Variants in ZMYM1 observed in about 807,000 individuals in gnomAD.
The protein encoded by ZMYM1 is zinc finger MYM-type containing 1, also known as zinc finger MYM-type protein 1.
Under a neutral mutation model 60.0 loss-of-function variants are expected in ZMYM1, and 39 were observed. That is an observed-to-expected ratio of 0.65 (90% CI 0.50 to 0.85). The LOEUF (loss-of-function observed/expected upper bound fraction) is 0.85, where lower values mean the gene tolerates loss of function less well. ZMYM1 is among the 40% of genes least tolerant of loss of function. ZMYM1 has a pLI of 0.00. For synonymous variants in ZMYM1, 413 were observed against 454.0 expected, an observed-to-expected ratio of 0.91 and a Z score of 1.15; for missense variants, 1,171 against 1,309.5, an observed-to-expected ratio of 0.89 and a Z score of 1.63.
At chr1:35,070,664 G>A (rs1642050485) in intron 1 of ZMYM1, among the ~76,000 whole-genome samples, 2 of 152,056 alleles carry the variant, frequency 1.3e-5, no homozygotes, top group South Asian at 4.1e-4. Flanking sequence ...GGTGAAAGTG[G>A]GCATCCTTGT....
chr1:35,118,545 C>T (rs1158009202), downstream of ZMYM1, among the ~76,000 whole-genome samples: 1 of 151,790 alleles, frequency 6.6e-6, no homozygotes, highest in Non-Finnish European at 1.5e-5. Flanking sequence ...AACCCCGTCT[C>T]TACTAAAAAA....
At chr1:35,066,256 G>A (rs550810397) in intron 1 of ZMYM1, among the ~76,000 whole-genome samples, 2 of 152,200 alleles carry the variant, frequency 1.3e-5, no homozygotes, top group Non-Finnish European at 2.9e-5. Context: ...GGAGTGCAGT[G>A]GCCTGATCTC....
downstream of ZMYM1, among the ~76,000 whole-genome samples, chr1:35,116,987 G>C (rs1251424699): frequency 1.3e-5 from 2 of 150,312 alleles, no homozygotes; most frequent in African/African-American, 4.9e-5. Context: ...GGGACTACAG[G>C]CGCCCGCCAC....
Position 35,104,759 on chromosome 1 carries a change from C to T in ZMYM1, c.797C>T (p.Ala266Val). The T allele has an allele frequency of 1.9e-6, 3 of 1,611,094 alleles. No homozygotes were observed. Among genetic ancestry groups the T allele is most frequent in the Non-Finnish European group, 2.5e-6 (3 of 1,177,428 alleles). ...TTTAATAGTTCAAAGAGTATTACAG[C>T]ATATAAGCAGGTATGAATAAAGACC... ...HYFNSSKSIT[A>V]YKQKPAKPLI... Residue 266 changes from alanine (A) to valine (V), a missense_variant, in exon 6 of 10, where the codon GCA (alanine) becomes GTA (valine). Coordinates refer to ENST00000359858, the MANE Select transcript of ZMYM1 (RefSeq NM_024772.5).
At chr1:35,076,606 G>C (rs1040741716), upstream of ZMYM1, among the ~76,000 whole-genome samples, 2 of 149,960 alleles carry the variant, frequency 1.3e-5, no homozygotes, top group African/African-American at 4.9e-5. Flanking sequence ...GGCAACAAGA[G>C]CGAAGCTCCA....
chr1:35,097,241 A>T, intron 3 of ZMYM1, 76 bp from the exon 4 acceptor site: 1 of 1,490,402 alleles, frequency 6.7e-7, no homozygotes, highest in Non-Finnish European at 9.0e-7. Context: ...AAAAAAAGAA[A>T]GAAAGAAAAT....
intron 1 of ZMYM1, among the ~76,000 whole-genome samples, chr1:35,064,731 G>A (rs1641940022): frequency 7.1e-6 from 1 of 139,950 alleles, no homozygotes; most frequent in South Asian, 2.3e-4. Flanking sequence ...CTGTCGCCCA[G>A]GCTGGAGTGC....
At chr1:35,070,481 G>A (rs962961071) in intron 1 of ZMYM1, among the ~76,000 whole-genome samples, 3 of 151,980 alleles carry the variant, frequency 2.0e-5, no homozygotes, top group Non-Finnish European at 4.4e-5. Flanking sequence ...ACAGATTTTT[G>A]GTGGAGTCTT....
At position 35,097,499 on chromosome 1, in the gene ZMYM1, A is replaced by C. The variant is rs764077288; in HGVS notation, c.352A>C (p.Ile118Leu). Residue 118 changes from isoleucine to leucine, a missense_variant, in exon 4 of 10, where the codon ATC becomes CTC. Coordinates refer to ENST00000359858, the MANE Select transcript of ZMYM1 (RefSeq NM_024772.5). ...SAQLFCSIPC[I>L]TEYISSASSP... ...TCAACTTTTCTGCTCCATACCATGCATCACTGAATACATTTCATCTGCCAG... is the reference window on the plus strand; with the variant it reads ...TCAACTTTTCTGCTCCATACCATGCCTCACTGAATACATTTCATCTGCCAG... 1 of 1,614,122 alleles carries C rather than the reference A, an allele frequency of 6.2e-7. No individual in the cohort carries two copies. The highest frequency in any genetic ancestry group is 8.5e-7 in the Non-Finnish European group (1 of 1,180,050).
intron 1 of ZMYM1, among the ~76,000 whole-genome samples, chr1:35,063,409 G>T (rs1283667308): frequency 6.6e-6 from 1 of 152,104 alleles, no homozygotes; most frequent in Non-Finnish European, 1.5e-5. Context: ...CTGGGTTCAA[G>T]CAATCCTCCC....
intron 1 of ZMYM1, among the ~76,000 whole-genome samples, chr1:35,066,067 G>A (rs1464974135): frequency 6.6e-6 from 1 of 152,032 alleles, no homozygotes; most frequent in Non-Finnish European, 1.5e-5. Flanking sequence ...GAAATTTCCA[G>A]GCCCAGATGA....
intron 1 of ZMYM1, among the ~76,000 whole-genome samples, chr1:35,087,452 G>A (rs1050183902): frequency 2.0e-5 from 3 of 147,916 alleles, no homozygotes; most frequent in African/African-American, 7.5e-5. Context: ...TTGAGATGGA[G>A]TTTCGCTCTT....
At chr1:35,071,864 C>A (rs1021295491) in intron 1 of ZMYM1, among the ~76,000 whole-genome samples, 2 of 152,174 alleles carry the variant, frequency 1.3e-5, no homozygotes, top group Non-Finnish European at 2.9e-5. Context: ...GAAAACTGGG[C>A]GCAGTGGCTC....
Position 35,112,313 on chromosome 1 carries a change from G to T in ZMYM1, c.1146+183G>T, listed in dbSNP as rs186859124. 4.0e-5 allele frequency among the ~76,000 whole-genome samples: 6 copies of T among 151,736 alleles called. No homozygotes were observed. The East Asian group carries it at 1.2e-3, about 29-fold the overall frequency. On this transcript the variant is annotated intron_variant, in intron 9 of 9. Transcript: ENST00000359858. ...CTGCCTCAGCCTCCTGAGTAGCTGGGATTACCAGCGCCTGCTACCATGCCC... is the reference window on the plus strand; with the variant it reads ...CTGCCTCAGCCTCCTGAGTAGCTGGTATTACCAGCGCCTGCTACCATGCCC...
intron 4 of ZMYM1, 54 bp from the exon 5 acceptor site, chr1:35,104,241 G>A: frequency 7.2e-7 from 1 of 1,395,000 alleles, no homozygotes; most frequent in Non-Finnish European, 9.6e-7. Context: ...TTTATAAAGA[G>A]AAGTTATAAT....
chr1:35,065,531 A>C (rs1319345692), intron 1 of ZMYM1, among the ~76,000 whole-genome samples: 1 of 151,846 alleles, frequency 6.6e-6, no homozygotes, highest in Non-Finnish European at 1.5e-5. Flanking sequence ...TTACACATGA[A>C]TCTTCGGCTG....
At chr1:35,105,832 C>T (rs1352276825) in intron 6 of ZMYM1, among the ~76,000 whole-genome samples, 3 of 152,162 alleles carry the variant, frequency 2.0e-5, no homozygotes, top group African/African-American at 4.8e-5. Flanking sequence ...TCTTACAACT[C>T]CTGAACTCAG....
intron 1 of ZMYM1, among the ~76,000 whole-genome samples, chr1:35,092,234 C>T (rs12061188): frequency 6.6e-6 from 1 of 151,776 alleles, no homozygotes; most frequent in African/African-American, 2.4e-5. Flanking sequence ...CCAAAGACTT[C>T]GTTTTTTTGT....
chr1:35,073,327 G>GAGAAAGAA (rs1364605094), intron 1 of ZMYM1, among the ~76,000 whole-genome samples: 13 of 86,420 alleles, frequency 1.5e-4, no homozygotes, highest in African/African-American at 4.5e-4. Flanking sequence ...AAAAGAAAGG[G>GAGAAAGAA]AGAAAGAAAG....
Sources: gnomAD v4.1 joint callset for allele counts (sites outside exome capture counted in the v4.1 genomes callset) on GRCh38, gnomAD v4.1.1 for gene constraint, MANE v1.5 for transcripts, NCBI Gene and HGNC (gene_info 2026-07-23, HGNC 2026-07-21) for gene names.